The following HMGB1 variants were observed in gnomAD, a reference collection of about 807,000 sequenced individuals.
HMGB1 encodes the protein high mobility group protein B1.
For missense variants in HMGB1, 79 were observed against 253.5 expected (o/e 0.31, Z 4.67); for synonymous variants, 81 against 84.0 (o/e 0.96, Z 0.19).
At chr13:30,462,197 C>A in intron 4 of HMGB1, 2 of 348,824 alleles carry the variant, frequency 5.7e-6, no homozygotes, top group South Asian at 2.4e-5. Context: ...AAAATATAGC[C>A]TATATTACTT....
intron 1 of HMGB1, among the ~76,000 whole-genome samples, chr13:30,604,819 A>G (rs762816697): frequency 2.0e-5 from 3 of 152,026 alleles, no homozygotes; most frequent in Admixed American, 1.3e-4. Flanking sequence ...CACCACACCC[A>G]GCTAATTTTT....
chr13:30,474,946 C>T (rs377216069), intron 1 of HMGB1, among the ~76,000 whole-genome samples: 1,055 of 37,506 alleles, frequency 0.028, no homozygotes, highest in Middle Eastern at 0.056. Flanking sequence ...TTTTTTTTTT[C>T]TTTTCTTTTT....
intron 1 of HMGB1, among the ~76,000 whole-genome samples, chr13:30,478,185 A>G (rs1338644539): frequency 6.6e-6 from 1 of 152,132 alleles, no homozygotes; most frequent in African/African-American, 2.4e-5. Context: ...AAATAAGTAA[A>G]AAGTGGCCAG....
At chr13:30,569,529 A>G (rs144162469) in intron 1 of HMGB1, among the ~76,000 whole-genome samples, 3 of 152,232 alleles carry the variant, frequency 2.0e-5, no homozygotes, top group East Asian at 1.9e-4. Context: ...TTTAACCTCT[A>G]CAGGATTCTG....
At chr13:30,586,493 T>G (rs1031454536) in intron 1 of HMGB1, among the ~76,000 whole-genome samples, 18 of 144,578 alleles carry the variant, frequency 1.2e-4, no homozygotes, top group Non-Finnish European at 2.3e-4. Flanking sequence ...TTTTTTTTTT[T>G]TTTTTTTTTT....
At chr13:30,484,141 G>A (rs1202615890) in intron 1 of HMGB1, among the ~76,000 whole-genome samples, 2 of 152,140 alleles carry the variant, frequency 1.3e-5, no homozygotes, top group Non-Finnish European at 2.9e-5. Flanking sequence ...GAGCTTGGCT[G>A]TGGGGGAAGC....
exon 1 of HMGB1, chr13:30,616,735 A>C (rs1950568468): frequency 1.3e-5 from 2 of 152,232 alleles, no homozygotes; most frequent in African/African-American, 4.8e-5. Flanking sequence ...TGCATTCAGA[A>C]GTACCAAAAA....
In HMGB1 at chr13:30,598,307, A is replaced by G. The variant is rs368233845; in HGVS notation, c.-15+18364T>C. Among the ~76,000 whole-genome samples, 30 of 152,376 alleles carry G rather than the reference A, an allele frequency of 2.0e-4. 1 individual carries two copies. In the South Asian group the frequency reaches 4.3e-3, roughly 22 times the overall value. ...TAATGGCAGAGCTAAGCACATATAC[A>G]GAAAGTAGGGCAAGGGCCAGAGACT... On this transcript the variant is annotated intron_variant, in intron 1 of 4. Transcript: ENST00000405805.
intron 1 of HMGB1, among the ~76,000 whole-genome samples, chr13:30,605,952 G>T (rs939446899): frequency 2.6e-5 from 4 of 152,148 alleles, no homozygotes; most frequent in Admixed American, 2.0e-4. Context: ...CATAGCCATA[G>T]TAACCATGAA....
intron 1 of HMGB1, among the ~76,000 whole-genome samples, chr13:30,585,705 G>A (rs959328814): frequency 4.6e-5 from 7 of 151,868 alleles, no homozygotes; most frequent in Non-Finnish European, 7.4e-5. Flanking sequence ...ATTCTGCAGG[G>A]ACTTAAAAAA....
At chr13:30,498,442 G>A (rs966964937) in intron 1 of HMGB1, among the ~76,000 whole-genome samples, 11 of 152,108 alleles carry the variant, frequency 7.2e-5, no homozygotes, top group African/African-American at 2.7e-4. Flanking sequence ...AGCGGGAGGG[G>A]CTGGAGAGGG....
chr13:30,491,219 G>A (rs966004045), intron 1 of HMGB1, among the ~76,000 whole-genome samples: 21 of 151,892 alleles, frequency 1.4e-4, no homozygotes, highest in African/African-American at 4.6e-4. Context: ...TAGTAGAAAC[G>A]GGGTTTCACC....
intron 1 of HMGB1, among the ~76,000 whole-genome samples, chr13:30,567,292 A>C (rs1870225288): frequency 6.6e-6 from 1 of 152,148 alleles, no homozygotes; most frequent in Non-Finnish European, 1.5e-5. Context: ...AATGTCCAGA[A>C]TATAACCTTA....
chr13:30,497,651 T>C (rs1887640959), intron 1 of HMGB1, among the ~76,000 whole-genome samples: 1 of 152,114 alleles, frequency 6.6e-6, no homozygotes, highest in African/African-American at 2.4e-5. Flanking sequence ...TTCCCCTCTT[T>C]GTATCCGTGT....
chr13:30,570,500 CAGTA>C (rs1267701564), intron 1 of HMGB1, among the ~76,000 whole-genome samples: 5 of 152,194 alleles, frequency 3.3e-5, no homozygotes, highest in African/African-American at 9.7e-5. Context: ...CAAGCAATTT[CAGTA>C]AGTGTTTATC....
chr13:30,588,508 A>C (rs917330742), intron 1 of HMGB1, among the ~76,000 whole-genome samples: 4 of 152,210 alleles, frequency 2.6e-5, no homozygotes, highest in Non-Finnish European at 5.9e-5. Context: ...GGGGGAAAAA[A>C]CAGAATAATG....
At position 30,538,641 on chromosome 13, in the gene HMGB1, TC is replaced by T. The variant is rs1566019080; in HGVS notation, c.-14-74948del. On this transcript the variant is annotated intron_variant, in intron 1 of 4. Coordinates refer to the HMGB1 transcript ENST00000405805. ...TCTCTCTCTCTTTCTTTTTCTTTCT[TC>T]CTTTCTTTCTTTCTTTCTTTCCTTT... is the stretch of plus-strand genomic sequence containing the variant. Among the ~76,000 whole-genome samples the T allele has an allele frequency of 1.5e-4, 16 of 107,252 alleles. No homozygotes were observed. In the East Asian group the frequency reaches 3.2e-3, roughly 22 times the overall value. The allele number at this position is 107,252 out of a possible 152,430, so 70.4% of individuals were successfully genotyped here.
intron 1 of HMGB1, among the ~76,000 whole-genome samples, chr13:30,562,529 A>G (rs1870006479): frequency 6.6e-6 from 1 of 151,874 alleles, no homozygotes; most frequent in South Asian, 2.1e-4. Flanking sequence ...TTACTTTTAT[A>G]TTACAGTATT....
chr13:30,482,421 AG>A (rs1349299673), intron 1 of HMGB1, among the ~76,000 whole-genome samples: 2 of 152,228 alleles, frequency 1.3e-5, no homozygotes, highest in Non-Finnish European at 2.9e-5. Flanking sequence ...TGGGGCCAGG[AG>A]GGGGCAGAAA....
Sources: gnomAD v4.1 joint callset for allele counts (sites outside exome capture counted in the v4.1 genomes callset) on GRCh38, gnomAD v4.1.1 for gene constraint, MANE v1.5 for transcripts, NCBI Gene and HGNC (gene_info 2026-07-23, HGNC 2026-07-21) for gene names.